The following TTC27 variants were observed in gnomAD, a reference collection of about 807,000 sequenced individuals.
TTC27 encodes tetratricopeptide repeat domain 27.
In TTC27, 79 loss-of-function variants were observed where a neutral mutation model predicts 115.9. The observed-to-expected ratio is 0.68, with a 90% CI of 0.57 to 0.82. The LOEUF is 0.82. TTC27 is among the 40% of genes least tolerant of loss of function. The pLI is 0.00. For missense variants in TTC27, 1,054 were observed against 993.1 expected (o/e 1.06, Z -0.82); for synonymous variants, 401 against 356.0 (o/e 1.13, Z -1.42).
At chr2:32,782,480 G>T (rs929484159) in intron 14 of TTC27, 146 bp from the exon 15 acceptor site, 2 of 480,292 alleles carry the variant, frequency 4.2e-6, no homozygotes, top group Non-Finnish European at 7.4e-6. Context: ...ATTTAATTTT[G>T]CCATATACCT....
At chr2:32,630,502 C>T in intron 1 of TTC27, 21 bp from the exon 2 acceptor site, 1 of 1,563,372 alleles carries the variant, frequency 6.4e-7, no homozygotes, top group East Asian at 2.2e-5. Flanking sequence ...TGGATTACCG[C>T]ACTAATTTTT....
intron 9 of TTC27, among the ~76,000 whole-genome samples, chr2:32,691,300 AT>A (rs1462977492): frequency 2.1e-5 from 3 of 145,400 alleles, no homozygotes; most frequent in Non-Finnish European, 4.5e-5. Flanking sequence ...TCATATGAAT[AT>A]TTACTTTTTT....
chr2:32,817,310 ATT>A (rs762127767), intron 18 of TTC27, 145 bp from the exon 19 acceptor site: 128 of 628,006 alleles, frequency 2.0e-4, no homozygotes, highest in Non-Finnish European at 3.3e-4. Flanking sequence ...CATAATTATT[ATT>A]CTTTTTCAAC....
chr2:32,672,129 T>C (rs771869059), intron 7 of TTC27, 143 bp from the exon 8 acceptor site: 79 of 571,168 alleles, frequency 1.4e-4, no homozygotes, highest in Non-Finnish European at 2.1e-4. Flanking sequence ...TTTCCAAATA[T>C]GTGTTTCACA....
intron 14 of TTC27, among the ~76,000 whole-genome samples, chr2:32,781,579 G>A (rs999940610): frequency 2.6e-5 from 4 of 151,874 alleles, no homozygotes; most frequent in Admixed American, 2.6e-4. Flanking sequence ...GTTAAAGTGG[G>A]TCTGGAGTTG....
rs751119945 is a variant in TTC27 at position 32,811,045 on chromosome 2, G to A, written c.2020G>A (p.Ala674Thr). ...DVQVLKILVR[A>T]VIDGMTDRSG... ...TAAGGTCCTTAAAATTCTAGTCAGG[G>A]CAGTGATTGATGGGATGACTGATCG... The change falls in exon 17 of 20, where the codon GCA (alanine) becomes ACA (threonine). Residue 674 changes from alanine (A) to threonine (T), a missense_variant. By Grantham distance (58) the Ala-to-Thr change is moderately conservative. Coordinates refer to ENST00000317907, the MANE Select transcript of TTC27 (RefSeq NM_017735.5). The A allele has an allele frequency of 5.6e-6, 9 of 1,614,020 alleles. No homozygotes were observed. The highest frequency in any genetic ancestry group is 1.3e-5 in the African/African-American group (1 of 74,910).
chr2:32,634,427 T>G (rs1268143655), intron 3 of TTC27, among the ~76,000 whole-genome samples: 1 of 150,272 alleles, frequency 6.7e-6, no homozygotes, highest in Non-Finnish European at 1.5e-5. Context: ...TCCCAAGTAG[T>G]TGGGACTACA....
At chr2:32,671,421 C>A (rs1666012109) in intron 7 of TTC27, among the ~76,000 whole-genome samples, 1 of 152,128 alleles carries the variant, frequency 6.6e-6, no homozygotes, top group African/African-American at 2.4e-5. Context: ...CTTCCTCCCA[C>A]CTTGGCCTCC....
chr2:32,672,024 C>G (rs1303291427), intron 7 of TTC27, among the ~76,000 whole-genome samples: 1 of 152,160 alleles, frequency 6.6e-6, no homozygotes, highest in Non-Finnish European at 1.5e-5. Flanking sequence ...GCATACTTGG[C>G]TCAATCAGTG....
intron 4 of TTC27, among the ~76,000 whole-genome samples, chr2:32,646,847 G>A (rs1427876537): frequency 1.3e-5 from 2 of 151,960 alleles, no homozygotes; most frequent in South Asian, 2.1e-4. Flanking sequence ...ACAGGCATGA[G>A]CCACCGCGCC....
At chr2:32,666,864 G>A in intron 7 of TTC27, 96 bp downstream of exon 7, 1 of 1,362,206 alleles carries the variant, frequency 7.3e-7, no homozygotes, top group Non-Finnish European at 9.8e-7. Flanking sequence ...GTTGGGGACA[G>A]ACTTCATTTT....
intron 5 of TTC27, among the ~76,000 whole-genome samples, chr2:32,656,227 T>C (rs1039326523): frequency 2.6e-5 from 4 of 152,188 alleles, no homozygotes; most frequent in Non-Finnish European, 4.4e-5. Context: ...CGCTATGTGC[T>C]GTGGATATCA....
intron 2 of TTC27, among the ~76,000 whole-genome samples, chr2:32,632,096 C>A (rs1038727720): frequency 3.3e-5 from 5 of 151,848 alleles, no homozygotes; most frequent in Admixed American, 6.6e-5. Flanking sequence ...CAGACGTGAG[C>A]CACTTCGCCC....
intron 19 of TTC27, among the ~76,000 whole-genome samples, chr2:32,819,856 T>C (rs1671621538): frequency 6.6e-6 from 1 of 152,236 alleles, no homozygotes; most frequent in African/African-American, 2.4e-5. Context: ...TAAGCCTCAG[T>C]TTCTCCGTGC....
Position 32,631,677 on chromosome 2 carries a change from C to G in TTC27, c.266+977C>G, listed in dbSNP as rs151051771. On this transcript the variant is annotated intron_variant, in intron 2 of 19. Transcript: ENST00000317907. ...TAGGAAATAGCTTCATTTAGTCCTT[C>G]AACAAATAAACTATTGTAGTAGATG... Among the ~76,000 whole-genome samples the G allele has an allele frequency of 9.1e-3, 1,386 of 152,248 alleles. 10 individuals are homozygous for G. The highest frequency in any genetic ancestry group is 0.024 in the Middle Eastern group (7 of 294).
chr2:32,736,824 A>C lies in TTC27; in HGVS notation c.1452+8A>C. 6.2e-7 allele frequency: 1 copy of C among 1,613,128 alleles called. No homozygotes were observed. The highest frequency in any genetic ancestry group is 2.2e-5 in the East Asian group (1 of 44,882). On this transcript the variant is annotated splice_region_variant and intron_variant, in intron 12 of 19. Coordinates refer to ENST00000317907, the MANE Select transcript of TTC27 (RefSeq NM_017735.5). ...GCCGGGCAGCACGGAAAGGTATGTA[A>C]TAGTCCAATTTGATGTACTGGTGAG...
chr2:32,789,390 T>G (rs1306764284), intron 16 of TTC27, among the ~76,000 whole-genome samples: 1 of 152,202 alleles, frequency 6.6e-6, no homozygotes, highest in African/African-American at 2.4e-5. Context: ...AAAAACATTC[T>G]TGCTAATGTT....
At chr2:32,794,203 G>A (rs370835262) in intron 16 of TTC27, among the ~76,000 whole-genome samples, 25 of 152,188 alleles carry the variant, frequency 1.6e-4, no homozygotes, top group African/African-American at 2.9e-4. Context: ...ATGATAGATC[G>A]CAAATTAAGT....
At position 32,666,772 on chromosome 2, in the gene TTC27, A is replaced by G; in HGVS notation, c.939+4A>G. 6.2e-7 allele frequency: 1 copy of G among 1,611,880 alleles called. No individual in the cohort carries two copies. The highest frequency in any genetic ancestry group is 8.5e-7 in the Non-Finnish European group (1 of 1,179,008). On this transcript the variant is annotated splice_donor_region_variant and intron_variant, in intron 7 of 19. Coordinates refer to ENST00000317907, the MANE Select transcript of TTC27 (RefSeq NM_017735.5). ...TCCTCAGGAACATTTAACCAAGGCAAGTAGGACATTAAGTTATTAAATTCA... is the reference window on the plus strand; with the variant it reads ...TCCTCAGGAACATTTAACCAAGGCAGGTAGGACATTAAGTTATTAAATTCA...
Sources: allele counts gnomAD v4.1 joint callset (sites outside exome capture counted in the v4.1 genomes callset), GRCh38; gene constraint gnomAD v4.1.1; transcripts MANE v1.5; gene names NCBI Gene and HGNC (gene_info 2026-07-23, HGNC 2026-07-21).